Variants in HSF2BP observed in about 807,000 individuals in gnomAD.
HSF2BP encodes heat shock factor 2-binding protein.
Under a neutral mutation model 35.0 loss-of-function variants are expected in HSF2BP, and 35 were observed. The ratio of observed to expected loss-of-function variants is 1.00; its 90% CI spans 0.76 to 1.32. The LOEUF (loss-of-function observed/expected upper bound fraction) is 1.32, where lower values mean the gene tolerates loss of function less well. Among genes scored for constraint, HSF2BP ranks in the 40% most tolerant of loss-of-function variants. The pLI is 0.00. For synonymous variants in HSF2BP, 114 were observed against 117.4 expected (o/e 0.97, Z 0.18); for missense variants, 326 against 321.7 (o/e 1.01, Z -0.10).
At chr21:43,595,949 T>C (rs1017611586) in intron 7 of HSF2BP, among the ~76,000 whole-genome samples, 10 of 151,804 alleles carry the variant, frequency 6.6e-5, no homozygotes, top group Non-Finnish European at 1.5e-4. Flanking sequence ...CTCGAACTCC[T>C]GACCTCATGA....
At chr21:43,621,997 A>G (rs1244010559) in intron 6 of HSF2BP, among the ~76,000 whole-genome samples, 2 of 152,186 alleles carry the variant, frequency 1.3e-5, no homozygotes, top group Non-Finnish European at 2.9e-5. Context: ...ACGTAAATTG[A>G]GATAACAAAA....
At chr21:43,625,968 G>A (rs1485652761) in intron 6 of HSF2BP, among the ~76,000 whole-genome samples, 1 of 152,194 alleles carries the variant, frequency 6.6e-6, no homozygotes, top group Non-Finnish European at 1.5e-5. Flanking sequence ...TAGGTCATAC[G>A]CCTTTGGGGT....
chr21:43,578,923 G>A (rs188601885), intron 8 of HSF2BP, among the ~76,000 whole-genome samples: 7 of 152,330 alleles, frequency 4.6e-5, no homozygotes, highest in Admixed American at 3.3e-4. Context: ...CTTCCAGCCC[G>A]GCCAGGACCG....
chr21:43,603,124 T>A (rs763495535), intron 7 of HSF2BP, among the ~76,000 whole-genome samples: 42 of 151,930 alleles, frequency 2.8e-4, no homozygotes, highest in African/African-American at 7.7e-4. Flanking sequence ...ATAAAAAAAA[T>A]AATAATTGCA....
intron 2 of HSF2BP, among the ~76,000 whole-genome samples, chr21:43,657,624 C>T (rs1157348341): frequency 6.6e-6 from 1 of 152,218 alleles, no homozygotes; most frequent in Non-Finnish European, 1.5e-5. Context: ...ACGGATCTGG[C>T]CCCAGTCCAA....
At chr21:43,634,685 G>A (rs948435951) in intron 4 of HSF2BP, among the ~76,000 whole-genome samples, 2 of 152,084 alleles carry the variant, frequency 1.3e-5, no homozygotes, top group Non-Finnish European at 2.9e-5. Context: ...ACATTCATAC[G>A]TATATGCACA....
At chr21:43,621,880 C>CT (rs1296290539) in intron 6 of HSF2BP, among the ~76,000 whole-genome samples, 2 of 152,064 alleles carry the variant, frequency 1.3e-5, no homozygotes, top group Non-Finnish European at 2.9e-5. Flanking sequence ...CCAGAATACT[C>CT]TAATACTGTA....
At chr21:43,650,502 G>T (rs1454323785) in intron 3 of HSF2BP, among the ~76,000 whole-genome samples, 1 of 151,906 alleles carries the variant, frequency 6.6e-6, no homozygotes, top group Non-Finnish European at 1.5e-5. Context: ...ACCGTGCCCG[G>T]CCCATAAAAT....
intron 4 of HSF2BP, among the ~76,000 whole-genome samples, chr21:43,635,443 C>G (rs2082538366): frequency 6.6e-6 from 1 of 152,140 alleles, no homozygotes; most frequent in Admixed American, 6.5e-5. Flanking sequence ...TAACTATAAA[C>G]CTACCGAAAT....
At chr21:43,620,069 GGAA>G (rs1473780586) in intron 6 of HSF2BP, among the ~76,000 whole-genome samples, 3 of 152,100 alleles carry the variant, frequency 2.0e-5, no homozygotes, top group South Asian at 2.1e-4. Context: ...CAGAAAAAAA[GGAA>G]GAAATTCAAC....
intron 8 of HSF2BP, among the ~76,000 whole-genome samples, chr21:43,582,485 G>C (rs2081767762): frequency 7.2e-6 from 1 of 138,850 alleles, no homozygotes; most frequent in Non-Finnish European, 1.6e-5. Context: ...TGAAGGGCCT[G>C]CTGAGGGAGA....
chr21:43,653,456 G>A (rs1302502698), intron 3 of HSF2BP, among the ~76,000 whole-genome samples: 1 of 151,022 alleles, frequency 6.6e-6, no homozygotes, highest in African/African-American at 2.5e-5. Context: ...AAAACCATGT[G>A]TCTGAAGGAA....
intron 4 of HSF2BP, among the ~76,000 whole-genome samples, chr21:43,644,025 T>A (rs2082675509): frequency 6.6e-6 from 1 of 152,064 alleles, no homozygotes; most frequent in Non-Finnish European, 1.5e-5. Context: ...CAAAATGAAC[T>A]AAGATAATTA....
At chr21:43,592,399 G>C in intron 7 of HSF2BP, 71 bp from the exon 8 acceptor site, 1 of 961,516 alleles carries the variant, frequency 1.0e-6, no homozygotes, top group Admixed American at 1.8e-5. Flanking sequence ...ATACCTACTA[G>C]TTAAGAGGAA....
intron 8 of HSF2BP, among the ~76,000 whole-genome samples, chr21:43,577,557 C>A (rs1360876670): frequency 1.3e-5 from 2 of 152,222 alleles, no homozygotes; most frequent in Non-Finnish European, 2.9e-5. Context: ...GCATTCGGGG[C>A]CACAGGCTTC....
At chr21:43,620,596 G>A (rs1855617366) in intron 6 of HSF2BP, among the ~76,000 whole-genome samples, 1 of 152,144 alleles carries the variant, frequency 6.6e-6, no homozygotes, top group Non-Finnish European at 1.5e-5. Context: ...TCAGGAGGCT[G>A]AGGTGGAAGC....
intron 6 of HSF2BP, among the ~76,000 whole-genome samples, chr21:43,628,586 G>C (rs902746975): frequency 6.6e-6 from 1 of 152,242 alleles, no homozygotes. Flanking sequence ...AGCAAGTGCT[G>C]ATGGAGAAGC....
chr21:43,581,979 G>C (rs1054054629), intron 8 of HSF2BP, among the ~76,000 whole-genome samples: 1 of 114,296 alleles, frequency 8.7e-6, no homozygotes, highest in Non-Finnish European at 1.8e-5. Context: ...CTGCTGTGGG[G>C]GATGAGGGCC....
chr21:43,581,847 G>GATGAGGGCCTGCTGAGGGAA (rs2081739093), intron 8 of HSF2BP, among the ~76,000 whole-genome samples: 2 of 150,624 alleles, frequency 1.3e-5, no homozygotes, highest in African/African-American at 4.9e-5. Flanking sequence ...TGCTGAGGGA[G>GATGAGGGCCTGCTGAGGGAA]ATGAGGGCCT....
Sources: allele counts gnomAD v4.1 joint callset (sites outside exome capture counted in the v4.1 genomes callset), GRCh38; gene constraint gnomAD v4.1.1; transcripts MANE v1.5; gene names NCBI Gene and HGNC (gene_info 2026-07-23, HGNC 2026-07-21).